The following ARMC8 variants were observed in gnomAD, a reference collection of about 807,000 sequenced individuals.
The protein encoded by ARMC8 is armadillo repeat-containing protein 8.
Under a neutral mutation model 99.3 loss-of-function variants are expected in ARMC8, and 20 were observed. That is an observed-to-expected ratio of 0.20 (90% CI 0.14 to 0.29). The LOEUF (loss-of-function observed/expected upper bound fraction) is 0.29. ARMC8 is among the 10% of genes least tolerant of loss of function. ARMC8 has a pLI of 1.00. For synonymous variants in ARMC8, 263 were observed against 278.3 expected (o/e 0.95, Z 0.55); for missense variants, 569 against 809.5 (o/e 0.70, Z 3.60).
chr3:138,222,966 T>C (rs138259528), intron 3 of ARMC8, among the ~76,000 whole-genome samples: 1 of 152,260 alleles, frequency 6.6e-6, no homozygotes, highest in Non-Finnish European at 1.5e-5. Flanking sequence ...ATATTCCCTA[T>C]AGGCTCGATA....
At chr3:138,265,549 C>CG (rs1487823178) in intron 14 of ARMC8, among the ~76,000 whole-genome samples, 4 of 151,990 alleles carry the variant, frequency 2.6e-5, no homozygotes, top group African/African-American at 7.3e-5. Context: ...GTTTAGGAGG[C>CG]GGGGGCATCA....
At chr3:138,226,703 A>T (rs1470164692) in intron 5 of ARMC8, among the ~76,000 whole-genome samples, 1 of 152,060 alleles carries the variant, frequency 6.6e-6, no homozygotes, top group Non-Finnish European at 1.5e-5. Flanking sequence ...CCTCAATCCC[A>T]TAATAAGGGG....
intron 19 of ARMC8, among the ~76,000 whole-genome samples, chr3:138,285,103 C>CA (rs1480961540): frequency 6.6e-6 from 1 of 152,230 alleles, no homozygotes; most frequent in Non-Finnish European, 1.5e-5. Context: ...CCTGCCATGT[C>CA]AGAGTTAACA....
rs1362355643 is a variant in ARMC8, at chr3:138,237,395, G to T, written c.685+11G>T. 6.2e-7 allele frequency: 1 copy of T among 1,612,656 alleles called. No individual in the cohort carries two copies. The highest frequency in any genetic ancestry group is 2.2e-5 in the East Asian group (1 of 44,848). On this transcript the variant is annotated intron_variant, in intron 8 of 21. Coordinates refer to ENST00000469044, the MANE Select transcript of ARMC8 (RefSeq NM_001363941.2). ...TGACCCTGGTAAATGGTAGGCTGGAGCTTTCAGTGGCACCTACATGATTTA... is the reference window on the plus strand; with the variant it reads ...TGACCCTGGTAAATGGTAGGCTGGATCTTTCAGTGGCACCTACATGATTTA...
At chr3:138,201,710 C>T (rs1000827320) in intron 1 of ARMC8, among the ~76,000 whole-genome samples, 6 of 151,932 alleles carry the variant, frequency 3.9e-5, no homozygotes, top group South Asian at 2.1e-4. Flanking sequence ...CTGCCCGCCT[C>T]GGTCTCCCAA....
intron 1 of ARMC8, among the ~76,000 whole-genome samples, chr3:138,199,355 G>C (rs2043921605): frequency 6.6e-6 from 1 of 152,112 alleles, no homozygotes; most frequent in Admixed American, 6.5e-5. Flanking sequence ...ATAGTATTTG[G>C]GAATTTTCTT....
intron 16 of ARMC8, among the ~76,000 whole-genome samples, chr3:138,271,794 C>G (rs181226174): frequency 1.4e-5 from 2 of 138,962 alleles, no homozygotes; most frequent in Non-Finnish European, 3.0e-5. Flanking sequence ...TTTTTTTTTT[C>G]TTTCTTTTTT....
intron 19 of ARMC8, among the ~76,000 whole-genome samples, chr3:138,286,178 A>T (rs570054432): frequency 6.6e-6 from 1 of 152,118 alleles, no homozygotes; most frequent in African/African-American, 2.4e-5. Flanking sequence ...CCTGATCTCA[A>T]ATGATCCACC....
chr3:138,290,342 A>G (rs3886726), intron 20 of ARMC8, among the ~76,000 whole-genome samples: 7,522 of 152,230 alleles, frequency 0.049, 615 homozygotes, highest in African/African-American at 0.17. Flanking sequence ...AGGCAGGATG[A>G]TCAGGAGGCA....
At chr3:138,294,225 C>T (rs916771618) in intron 21 of ARMC8, among the ~76,000 whole-genome samples, 3 of 152,148 alleles carry the variant, frequency 2.0e-5, no homozygotes, top group African/African-American at 7.2e-5. Flanking sequence ...TTCCTTTTGT[C>T]GTTAAGACTT....
At chr3:138,257,948 T>A (rs2047488872) in intron 12 of ARMC8, among the ~76,000 whole-genome samples, 1 of 152,224 alleles carries the variant, frequency 6.6e-6, no homozygotes. Context: ...AGATATTAAA[T>A]GACTGCGGCT....
At chr3:138,266,511 C>T (rs575730950) in intron 14 of ARMC8, among the ~76,000 whole-genome samples, 1 of 152,244 alleles carries the variant, frequency 6.6e-6, no homozygotes, top group South Asian at 2.1e-4. Flanking sequence ...TTTTTCATTT[C>T]CCTGCTACGG....
At chr3:138,265,506 C>G (rs1272225703) in intron 14 of ARMC8, among the ~76,000 whole-genome samples, 1 of 152,128 alleles carries the variant, frequency 6.6e-6, no homozygotes, top group African/African-American at 2.4e-5. Flanking sequence ...AACATTTTAT[C>G]ACAGAACTCT....
intron 12 of ARMC8, among the ~76,000 whole-genome samples, chr3:138,256,250 CTG>C (rs762262386): frequency 1.8e-4 from 28 of 152,130 alleles, no homozygotes; most frequent in Non-Finnish European, 3.4e-4. Flanking sequence ...CAGTGGAACT[CTG>C]TGGTTTCTTC....
chr3:138,198,309 A>T (rs1340744277), intron 1 of ARMC8, among the ~76,000 whole-genome samples: 1 of 152,052 alleles, frequency 6.6e-6, no homozygotes, highest in Non-Finnish European at 1.5e-5. Flanking sequence ...GTATAAAATC[A>T]TGGAATCTTT....
At chr3:138,247,869 C>T (rs1051511164) in intron 12 of ARMC8, among the ~76,000 whole-genome samples, 1 of 152,132 alleles carries the variant, frequency 6.6e-6, no homozygotes, top group Non-Finnish European at 1.5e-5. Context: ...TAAAATAAAC[C>T]AACTGTATAA....
intron 1 of ARMC8, 127 bp from the exon 2 acceptor site, chr3:138,209,690 T>A: frequency 1.4e-6 from 1 of 729,124 alleles, no homozygotes; most frequent in Non-Finnish European, 2.3e-6. Flanking sequence ...CAAAACTAAG[T>A]ATTTCATATA....
At chr3:138,246,484 A>G in intron 12 of ARMC8, 2 of 985,508 alleles carry the variant, frequency 2.0e-6, no homozygotes, top group Non-Finnish European at 2.4e-6. Flanking sequence ...GGCTTTTATA[A>G]CAATAGATTT....
At chr3:138,198,801 T>G (rs953743062) in intron 1 of ARMC8, among the ~76,000 whole-genome samples, 3 of 152,034 alleles carry the variant, frequency 2.0e-5, no homozygotes, top group African/African-American at 7.2e-5. Context: ...CATGAGCCAC[T>G]GCGCCCGGCC....
Sources: gnomAD v4.1 joint callset for allele counts (sites outside exome capture counted in the v4.1 genomes callset) on GRCh38, gnomAD v4.1.1 for gene constraint, MANE v1.5 for transcripts, NCBI Gene and HGNC (gene_info 2026-07-23, HGNC 2026-07-21) for gene names.